Variants in CCDC50 observed in about 807,000 individuals in gnomAD.
CCDC50 encodes the protein coiled-coil domain containing 50, also known as coiled-coil domain-containing protein 50.
CCDC50 carries 54 observed loss-of-function variants against 70.2 expected under a neutral mutation model. That is an observed-to-expected ratio of 0.77 (90% CI 0.62 to 0.96). The LOEUF (loss-of-function observed/expected upper bound fraction) is 0.96. Among genes scored for constraint, CCDC50 ranks in the 50% least tolerant of loss-of-function variants. The pLI, the probability that CCDC50 is intolerant of heterozygous loss-of-function variation, is 0.00. For missense variants in CCDC50, 558 were observed against 578.7 expected, an observed-to-expected ratio of 0.96 and a Z score of 0.37; for synonymous variants, 216 against 198.8, an observed-to-expected ratio of 1.09 and a Z score of -0.73.
intron 4 of CCDC50, among the ~76,000 whole-genome samples, chr3:191,365,329 C>G (rs1712645037): frequency 6.6e-6 from 1 of 151,238 alleles, no homozygotes; most frequent in South Asian, 2.1e-4. Context: ...ACATAGCACT[C>G]TTTAAAAAGA....
intron 4 of CCDC50, among the ~76,000 whole-genome samples, chr3:191,362,689 T>C (rs1712534634): frequency 6.6e-6 from 1 of 152,196 alleles, no homozygotes; most frequent in Non-Finnish European, 1.5e-5. Flanking sequence ...TAAATAGATA[T>C]GATCAGGGTC....
At chr3:191,376,975 A>G (rs574335927) in intron 6 of CCDC50, among the ~76,000 whole-genome samples, 2 of 152,114 alleles carry the variant, frequency 1.3e-5, no homozygotes, top group African/African-American at 2.4e-5. Flanking sequence ...GCTTTTAGTT[A>G]TGCTCCAGGA....
At position 191,395,931 on chromosome 3, in the gene CCDC50, AT is replaced by A. The variant is rs1158231275; in HGVS notation, c.*4172del. 4 of 152,168 alleles carry A rather than the reference AT, an allele frequency of 2.6e-5. No individual in the cohort carries two copies. Among genetic ancestry groups the A allele is most frequent in the Non-Finnish European group, 5.9e-5 (4 of 68,022 alleles). 9.4% of individuals were successfully genotyped at this position (152,168 alleles called of 1,614,324 possible). A position where few individuals can be genotyped will look rare whatever the true frequency, so the allele number is the denominator to read the frequency against. ...TTCTTTTTAGCCCATGATAAGTAAT[AT>A]GGGCAGGTAGAAGCAAACTGGAGAC... On this transcript the variant is annotated 3_prime_UTR_variant, in exon 12 of 12. Transcript: ENST00000392455.
At chr3:191,376,248 A>G (rs1259938446) in intron 6 of CCDC50, among the ~76,000 whole-genome samples, 3 of 152,154 alleles carry the variant, frequency 2.0e-5, no homozygotes, top group East Asian at 3.8e-4. Context: ...TTAAAAGTTT[A>G]AAGTCATTGC....
intron 7 of CCDC50, among the ~76,000 whole-genome samples, 165 bp from the exon 8 acceptor site, chr3:191,380,522 A>G (rs1340545632): frequency 6.6e-6 from 1 of 152,084 alleles, no homozygotes. Flanking sequence ...GGATTTGATA[A>G]AAAGAGCTCC....
rs1713700321 is a variant in CCDC50, at chr3:191,391,759, A to G, written c.1448A>G (p.Ter483=). 2 of 1,612,820 alleles carry G rather than the reference A, an allele frequency of 1.2e-6. No homozygotes were observed. Among genetic ancestry groups the G allele is most frequent in the Non-Finnish European group, 1.7e-6 (2 of 1,179,086 alleles). ...SSHKGFHYKH[*] ...TCCCCAGGTTTTCATTACAAACATT[A>G]AAAACCTAGGAATCTGCCTTGAAAA... The change falls in exon 12 of 12, where the codon TAA becomes TGA. Residue 483 remains the stop codon, a stop_retained_variant. Coordinates refer to ENST00000392455, the MANE Select transcript of CCDC50 (RefSeq NM_178335.3).
chr3:191,357,810 C>T (rs547971143), intron 2 of CCDC50, among the ~76,000 whole-genome samples, 188 bp from the exon 3 acceptor site: 25 of 152,238 alleles, frequency 1.6e-4, no homozygotes, highest in African/African-American at 4.8e-4. Flanking sequence ...CTTTTTGATC[C>T]TCTTTTTACT....
At chr3:191,329,819 C>T (rs1045319584) in intron 1 of CCDC50, 96 bp downstream of exon 1, 2 of 1,314,552 alleles carry the variant, frequency 1.5e-6, no homozygotes, top group Non-Finnish European at 2.1e-6. Flanking sequence ...TCCCGCGGCC[C>T]TCGCCCGGTG....
intron 3 of CCDC50, among the ~76,000 whole-genome samples, chr3:191,360,238 C>A (rs1418817269): frequency 6.6e-6 from 1 of 152,322 alleles, no homozygotes; most frequent in South Asian, 2.1e-4. Flanking sequence ...GCTGACTGAA[C>A]CAGAGATGGT....
intron 1 of CCDC50, among the ~76,000 whole-genome samples, chr3:191,335,293 A>G (rs977579479): frequency 6.6e-6 from 1 of 152,218 alleles, no homozygotes; most frequent in Admixed American, 6.5e-5. Context: ...AGGAGAAAAC[A>G]AACATTCAAA....
intron 5 of CCDC50, among the ~76,000 whole-genome samples, chr3:191,370,677 C>A (rs1315072152): frequency 6.6e-6 from 1 of 151,554 alleles, no homozygotes; most frequent in Non-Finnish European, 1.5e-5. Flanking sequence ...TTAGTAGAGG[C>A]GAGGTTTCAC....
At chr3:191,364,332 G>T (rs936090790) in intron 4 of CCDC50, among the ~76,000 whole-genome samples, 12 of 151,608 alleles carry the variant, frequency 7.9e-5, no homozygotes, top group African/African-American at 2.7e-4. Flanking sequence ...CTCCCAAAGT[G>T]CTGAGATTAT....
intron 8 of CCDC50, 23 bp from the exon 9 acceptor site, chr3:191,380,805 G>T: frequency 6.2e-7 from 1 of 1,606,604 alleles, no homozygotes; most frequent in Non-Finnish European, 8.5e-7. Context: ...TGCAGTTAAT[G>T]ATATTGACTG....
chr3:191,381,534 G>GTT (rs1713319323), intron 9 of CCDC50, among the ~76,000 whole-genome samples: 1 of 152,140 alleles, frequency 6.6e-6, no homozygotes, highest in Non-Finnish European at 1.5e-5. Flanking sequence ...GTAATTGTGA[G>GTT]TTCCAGCTTA....
intron 5 of CCDC50, among the ~76,000 whole-genome samples, chr3:191,374,264 A>T (rs1384772494): frequency 6.6e-6 from 1 of 152,196 alleles, no homozygotes; most frequent in African/African-American, 2.4e-5. Flanking sequence ...TATACTTAGC[A>T]TATATTATAT....
chr3:191,389,115 G>T (rs1249852336), intron 10 of CCDC50, among the ~76,000 whole-genome samples: 1 of 149,718 alleles, frequency 6.7e-6, no homozygotes, highest in East Asian at 2.0e-4. Context: ...TTCTTCCTTG[G>T]CTTTATTATT....
Position 191,329,583 on chromosome 3 carries a change from G to A in CCDC50, c.-92G>A. On this transcript the variant is annotated 5_prime_UTR_variant, in exon 1 of 12. Coordinates refer to ENST00000392455, the MANE Select transcript of CCDC50 (RefSeq NM_178335.3). ...CCCTGCCGGCCGGACTTTGCGCCGC[G>A]TCCGGCGCTGCTGCTGCGCTCGGGG... 7.3e-7 allele frequency: 1 copy of A among 1,372,702 alleles called. No individual in the cohort carries two copies. Among genetic ancestry groups the A allele is most frequent in the Non-Finnish European group, 1.0e-6 (1 of 1,004,550 alleles). The allele number at this position is 1,372,702 out of a possible 1,614,324, so 85.0% of individuals were successfully genotyped here.
intron 1 of CCDC50, among the ~76,000 whole-genome samples, chr3:191,339,144 A>G (rs2108633432): frequency 6.6e-6 from 1 of 152,326 alleles, no homozygotes; most frequent in East Asian, 1.9e-4. Context: ...ATGAATATAC[A>G]GATTGCAAAC....
intron 1 of CCDC50, among the ~76,000 whole-genome samples, chr3:191,343,434 A>AAG (rs1166624930): frequency 6.6e-6 from 1 of 152,244 alleles, no homozygotes; most frequent in African/African-American, 2.4e-5. Flanking sequence ...GTTACTGTGT[A>AAG]AGAGTTTAAT....
Sources: gnomAD v4.1 joint callset for allele counts (sites outside exome capture counted in the v4.1 genomes callset) on GRCh38, gnomAD v4.1.1 for gene constraint, MANE v1.5 for transcripts, NCBI Gene and HGNC (gene_info 2026-07-23, HGNC 2026-07-21) for gene names.